Variants in CMTM8 observed in about 807,000 individuals in gnomAD.
CMTM8 encodes the protein CKLF-like MARVEL transmembrane domain-containing protein 8.
Under a neutral mutation model 18.6 loss-of-function variants are expected in CMTM8, and 12 were observed. The ratio of observed to expected loss-of-function variants is 0.65; its 90% CI spans 0.41 to 1.05. The LOEUF (loss-of-function observed/expected upper bound fraction) is 1.05. CMTM8 is among the 50% of genes least tolerant of loss of function. The pLI is 0.00. For synonymous variants in CMTM8, 87 were observed against 90.6 expected (o/e 0.96, Z 0.23); for missense variants, 217 against 227.2 (o/e 0.95, Z 0.29).
chr3:32,267,311 T>C lies in CMTM8; in HGVS notation c.147+28192T>C, dbSNP rs548120083. ...AAATAATGCCACACATCTACAACTA[T>C]CTGATCTTTGACAAACCTGACAAAA... is the stretch of plus-strand genomic sequence containing the variant. On this transcript the variant is annotated intron_variant, in intron 1 of 3. Transcript: ENST00000307526. 2.5e-3 allele frequency among the ~76,000 whole-genome samples: 387 copies of C among 152,228 alleles called. 1 individual carries two copies. Among genetic ancestry groups the C allele is most frequent in the African/African-American group, 8.9e-3 (370 of 41,524 alleles).
chr3:32,319,074 A>ATATATATATATATTTTTTT lies in CMTM8; in HGVS notation c.148-38298_148-38297insATATATATATATTTTTTTT. 1.6e-3 allele frequency among the ~76,000 whole-genome samples: 52 copies of ATATATATATATATTTTTTT among 31,520 alleles called. 1 individual carries two copies. Among genetic ancestry groups the ATATATATATATATTTTTTT allele is most frequent in the Admixed American group, 4.5e-3 (8 of 1,760 alleles). 20.7% of individuals were successfully genotyped at this position (31,520 alleles called of 152,430 possible). The stretch of plus-strand genomic sequence containing the variant: ...TGTATATACATATATATATATATAT[A>ATATATATATATATTTTTTT]TTTTTTTTTTTTTTTTTTTTTGAGA... On this transcript the variant is annotated intron_variant, in intron 1 of 3. Coordinates refer to ENST00000307526, the MANE Select transcript of CMTM8 (RefSeq NM_178868.5).
At chr3:32,270,675 A>T (rs145379009) in intron 1 of CMTM8, among the ~76,000 whole-genome samples, 1 of 152,160 alleles carries the variant, frequency 6.6e-6, no homozygotes, top group South Asian at 2.1e-4. Flanking sequence ...AACAGTGAGA[A>T]CACTTGGACA....
intron 1 of CMTM8, among the ~76,000 whole-genome samples, chr3:32,337,985 TTTTTTTTTTTTTA>T (rs1006676727): frequency 4.2e-5 from 6 of 143,786 alleles, no homozygotes; most frequent in Non-Finnish European, 7.7e-5. Flanking sequence ...CCTTTTTTTT[TTTTTTTTTTTTTA>T]AATTGAGATG....
chr3:32,347,297 G>GTTTTTTTTTTT (rs56826485), intron 1 of CMTM8, among the ~76,000 whole-genome samples: 3 of 136,544 alleles, frequency 2.2e-5, no homozygotes, highest in East Asian at 4.6e-4. Context: ...TTTTGCTTAG[G>GTTTTTTTTTTT]TTTTTTTTTT....
chr3:32,356,857 G>A (rs915896595), intron 1 of CMTM8, among the ~76,000 whole-genome samples: 1 of 152,168 alleles, frequency 6.6e-6, no homozygotes, highest in African/African-American at 2.4e-5. Flanking sequence ...AGATTATTAT[G>A]TACAAGCTTG....
intron 1 of CMTM8, among the ~76,000 whole-genome samples, chr3:32,291,648 A>G (rs899900426): frequency 6.6e-6 from 1 of 152,224 alleles, no homozygotes; most frequent in Admixed American, 6.5e-5. Context: ...TAATACAGGG[A>G]TGAGTAGTAG....
intron 1 of CMTM8, among the ~76,000 whole-genome samples, chr3:32,240,262 C>G (rs1352165006): frequency 6.6e-6 from 1 of 152,172 alleles, no homozygotes; most frequent in Non-Finnish European, 1.5e-5. Context: ...CTATGAAGCC[C>G]CTGGTGGTCA....
chr3:32,351,399 A>G (rs567389460), intron 1 of CMTM8, among the ~76,000 whole-genome samples: 1 of 152,344 alleles, frequency 6.6e-6, no homozygotes, highest in South Asian at 2.1e-4. Context: ...GGTAAAAATA[A>G]AAGAGTTAAA....
At chr3:32,251,593 C>T (rs1370924138) in intron 1 of CMTM8, among the ~76,000 whole-genome samples, 3 of 151,934 alleles carry the variant, frequency 2.0e-5, no homozygotes, top group Non-Finnish European at 4.4e-5. Flanking sequence ...GGATTACATG[C>T]CTAAGCCACC....
chr3:32,277,046 G>A (rs897687152), intron 1 of CMTM8, among the ~76,000 whole-genome samples: 6 of 151,774 alleles, frequency 4.0e-5, no homozygotes, highest in African/African-American at 1.4e-4. Context: ...CACCATCCCC[G>A]GCTAAGTTAC....
chr3:32,292,640 G>A (rs1269355374), intron 1 of CMTM8, among the ~76,000 whole-genome samples: 1 of 151,958 alleles, frequency 6.6e-6, no homozygotes, highest in Admixed American at 6.6e-5. Context: ...CTTTAGGCCC[G>A]GATTTCTCAA....
At chr3:32,286,189 C>T (rs2125553153) in intron 1 of CMTM8, among the ~76,000 whole-genome samples, 1 of 152,306 alleles carries the variant, frequency 6.6e-6, no homozygotes, top group East Asian at 1.9e-4. Flanking sequence ...CAAACGCAGC[C>T]AGAGACAATC....
At chr3:32,356,990 T>C (rs1696827007) in intron 1 of CMTM8, among the ~76,000 whole-genome samples, 1 of 152,214 alleles carries the variant, frequency 6.6e-6, no homozygotes, top group South Asian at 2.1e-4. Context: ...TGGACTGCCA[T>C]GGTTACCTTC....
intron 1 of CMTM8, among the ~76,000 whole-genome samples, chr3:32,245,493 G>A (rs560505663): frequency 6.6e-6 from 1 of 152,320 alleles, no homozygotes; most frequent in South Asian, 2.1e-4. Context: ...TGAATTGTAG[G>A]ATGCTGTGAT....
At chr3:32,312,830 C>T (rs1266325230) in intron 1 of CMTM8, among the ~76,000 whole-genome samples, 3 of 151,650 alleles carry the variant, frequency 2.0e-5, no homozygotes, top group Admixed American at 1.3e-4. Flanking sequence ...ACCTTATTAA[C>T]ATAAACTCAG....
At chr3:32,348,413 C>G (rs1284824455) in intron 1 of CMTM8, among the ~76,000 whole-genome samples, 2 of 151,530 alleles carry the variant, frequency 1.3e-5, no homozygotes, top group African/African-American at 4.8e-5. Context: ...TTAGAGGAGT[C>G]CTTTTATGTA....
chr3:32,239,443 G>A (rs376112765), intron 1 of CMTM8, among the ~76,000 whole-genome samples: 73 of 152,066 alleles, frequency 4.8e-4, no homozygotes, highest in African/African-American at 1.7e-3. Context: ...GAGTGTCAGA[G>A]ACACCTGGTG....
intron 1 of CMTM8, among the ~76,000 whole-genome samples, chr3:32,314,859 G>A (rs1482331422): frequency 2.7e-5 from 2 of 72,952 alleles, no homozygotes; most frequent in African/African-American, 7.1e-5. Context: ...GTTGGGTGGC[G>A]GGGGGGGTCC....
At chr3:32,366,833 G>C (rs1697047675) in intron 2 of CMTM8, among the ~76,000 whole-genome samples, 1 of 146,794 alleles carries the variant, frequency 6.8e-6, no homozygotes, top group Non-Finnish European at 1.5e-5. Flanking sequence ...CTTCTTAGGG[G>C]ACAGTTTCGG....
Sources: gnomAD v4.1 joint callset for allele counts (sites outside exome capture counted in the v4.1 genomes callset) on GRCh38, gnomAD v4.1.1 for gene constraint, MANE v1.5 for transcripts, NCBI Gene and HGNC (gene_info 2026-07-23, HGNC 2026-07-21) for gene names.